Variants in CENPK observed in about 807,000 individuals in gnomAD.
CENPK encodes SoxLZ/Sox6-binding protein Solt.
In CENPK, 46 loss-of-function variants were observed where a neutral mutation model predicts 40.9. That is an observed-to-expected ratio of 1.13 (90% CI 0.89 to 1.44). The LOEUF is 1.44. Among genes scored for constraint, CENPK ranks in the 40% most tolerant of loss-of-function variants. The pLI is 0.00. For synonymous variants in CENPK, 107 were observed against 104.4 expected (o/e 1.02, Z -0.15); for missense variants, 288 against 303.5 (o/e 0.95, Z 0.38).
downstream of CENPK, among the ~76,000 whole-genome samples, chr5:65,513,252 C>T (rs149977249): frequency 1.3e-5 from 2 of 152,244 alleles, no homozygotes; most frequent in African/African-American, 4.8e-5. Context: ...CAGTGTCAGT[C>T]CTCTAACTTT....
intron 6 of CENPK, among the ~76,000 whole-genome samples, chr5:65,540,090 C>CT (rs1165141388): frequency 6.6e-6 from 1 of 152,190 alleles, no homozygotes; most frequent in Non-Finnish European, 1.5e-5. Context: ...TGGCCACACC[C>CT]TTTAAGTTCT....
intron 6 of CENPK, among the ~76,000 whole-genome samples, chr5:65,536,500 C>T (rs900169210): frequency 6.6e-6 from 1 of 152,084 alleles, no homozygotes; most frequent in South Asian, 2.1e-4. Context: ...TGGTGGCACA[C>T]ACCTGTACTC....
the CENPK span, among the ~76,000 whole-genome samples, chr5:65,496,773 G>C: frequency 6.6e-6 from 1 of 151,948 alleles, no homozygotes; most frequent in South Asian, 2.1e-4. Context: ...AAATAAAAAG[G>C]CTGGGTGCGA....
In CENPK at chr5:65,559,946, A is replaced by AT. The variant is rs377324365; in HGVS notation, c.-40+1516dup. Reference sequence around the variant, plus strand: ...ATTTTGGTCCATATAAATCTTCCTCATTTTTTTTTAACATTTATAGTATTT... The same window carrying AT: ...ATTTTGGTCCATATAAATCTTCCTCATTTTTTTTTTAACATTTATAGTATTT... On this transcript the variant is annotated intron_variant, in intron 2 of 10. Transcript: ENST00000396679. 6.3e-4 allele frequency among the ~76,000 whole-genome samples: 95 copies of AT among 151,054 alleles called. 1 individual carries two copies. The South Asian group carries it at 0.015, about 24-fold the overall frequency.
intron 1 of CENPK, among the ~76,000 whole-genome samples, chr5:65,562,425 G>A (rs934987416): frequency 6.6e-6 from 1 of 152,158 alleles, no homozygotes; most frequent in Non-Finnish European, 1.5e-5. Flanking sequence ...CTATGGGGGG[G>A]CAGTTCCTTC....
At chr5:65,509,158 C>T in the CENPK span, among the ~76,000 whole-genome samples, 8 of 152,136 alleles carry the variant, frequency 5.3e-5, no homozygotes, top group Middle Eastern at 3.2e-3. Flanking sequence ...CTTGTCTTGG[C>T]GTATCTCCTG....
At chr5:65,558,491 G>T (rs1470425267) in intron 2 of CENPK, among the ~76,000 whole-genome samples, 1 of 152,160 alleles carries the variant, frequency 6.6e-6, no homozygotes, top group Non-Finnish European at 1.5e-5. Context: ...TATGTGGATT[G>T]TTTCTCTTTT....
chr5:65,528,980 C>A lies in CENPK; in HGVS notation c.409G>T (p.Glu137Ter). The change falls in exon 8 of 11, where the codon GAA (glutamate) becomes TAA (stop). Residue 137 changes from glutamate (E) to a stop codon, truncating the protein, a stop_gained. Coordinates refer to ENST00000396679, the MANE Select transcript of CENPK (RefSeq NM_022145.5). LOFTEE classifies it high-confidence loss of function. ...RWLDEQQQIM[E>*]SLNVLHSELK... is the part of the protein sequence containing the mutation. ...TCACTGTGTAGTACATTAAGAGATTCCATTATCTGTTGCTGTTCATCCAAC... is the reference window on the plus strand; with the variant it reads ...TCACTGTGTAGTACATTAAGAGATTACATTATCTGTTGCTGTTCATCCAAC... The A allele has an allele frequency of 6.2e-7, 1 of 1,610,818 alleles. No homozygotes were observed. The highest frequency in any genetic ancestry group is 8.5e-7 in the Non-Finnish European group (1 of 1,178,050).
At chr5:65,549,119 A>G (rs1749528121) in intron 5 of CENPK, among the ~76,000 whole-genome samples, 1 of 152,240 alleles carries the variant, frequency 6.6e-6, no homozygotes, top group Non-Finnish European at 1.5e-5. Flanking sequence ...ATGTTGCATC[A>G]ACAGACATGA....
the CENPK span, among the ~76,000 whole-genome samples, chr5:65,497,684 G>A: frequency 2.0e-5 from 3 of 152,160 alleles, no homozygotes; most frequent in African/African-American, 7.2e-5. Flanking sequence ...TTAGAAGTCT[G>A]TCTACTGTAA....
intron 4 of CENPK, 63 bp from the exon 5 acceptor site, chr5:65,551,699 T>G: frequency 2.1e-6 from 2 of 933,076 alleles, no homozygotes; most frequent in Non-Finnish European, 3.2e-6. Context: ...TAGATGAAAA[T>G]ATAAACATTC....
At chr5:65,505,186 T>G in the CENPK span, among the ~76,000 whole-genome samples, 1 of 152,198 alleles carries the variant, frequency 6.6e-6, no homozygotes, top group African/African-American at 2.4e-5. Context: ...TGAGTAATAC[T>G]TTAGCTGGTT....
At chr5:65,562,162 A>G (rs1561710235) in intron 1 of CENPK, among the ~76,000 whole-genome samples, 1 of 151,542 alleles carries the variant, frequency 6.6e-6, no homozygotes, top group Non-Finnish European at 1.5e-5. Flanking sequence ...TATTATTATC[A>G]TTATCATTAT....
At chr5:65,505,033 A>G in the CENPK span, among the ~76,000 whole-genome samples, 72 of 152,236 alleles carry the variant, frequency 4.7e-4, no homozygotes, top group African/African-American at 1.7e-3. Context: ...GGTATAACCA[A>G]TCCTCTGCCT....
At chr5:65,503,813 C>T in the CENPK span, among the ~76,000 whole-genome samples, 1 of 151,850 alleles carries the variant, frequency 6.6e-6, no homozygotes, top group African/African-American at 2.4e-5. Context: ...CGTGCCACCA[C>T]GCCTGGCTAA....
At chr5:65,501,976 A>G in the CENPK span, among the ~76,000 whole-genome samples, 1 of 152,152 alleles carries the variant, frequency 6.6e-6, no homozygotes, top group Non-Finnish European at 1.5e-5. Flanking sequence ...TAAGTTCAGA[A>G]CCACCACATG....
At chr5:65,551,249 CAAAAAAA>C (rs58442174) in intron 5 of CENPK, 56 of 112,044 alleles carry the variant, frequency 5.0e-4, no homozygotes, top group South Asian at 1.5e-3. Context: ...GACCCTGTCT[CAAAAAAA>C]AAAAAAAAAA....
At chr5:65,510,617 A>G in the CENPK span, among the ~76,000 whole-genome samples, 3 of 152,060 alleles carry the variant, frequency 2.0e-5, no homozygotes, top group African/African-American at 7.2e-5. Context: ...TCTACCAAAA[A>G]TACAAACAAT....
At chr5:65,496,554 C>T in the CENPK span, among the ~76,000 whole-genome samples, 4 of 152,048 alleles carry the variant, frequency 2.6e-5, no homozygotes, top group African/African-American at 2.4e-5. Context: ...TAAGCATATA[C>T]ATAAAATGCA....
Sources: allele counts gnomAD v4.1 joint callset (sites outside exome capture counted in the v4.1 genomes callset), GRCh38; gene constraint gnomAD v4.1.1; transcripts MANE v1.5; gene names NCBI Gene and HGNC (gene_info 2026-07-23, HGNC 2026-07-21).